Variants in YTHDC2 observed in about 807,000 individuals in gnomAD.
YTHDC2 encodes 3'-5' RNA helicase YTHDC2.
In YTHDC2, 45 loss-of-function variants were observed where a neutral mutation model predicts 174.9. The observed-to-expected ratio is 0.26, with a 90% CI of 0.20 to 0.33. The LOEUF (loss-of-function observed/expected upper bound fraction) is 0.33. Among genes scored for constraint, YTHDC2 ranks in the 10% least tolerant of loss-of-function variants. The probability of loss-of-function intolerance (pLI) is 1.00; values close to 1 mark genes in which losing one functional copy is unlikely to be tolerated. For missense variants in YTHDC2, 1,650 were observed against 1,723.7 expected (o/e 0.96, Z 0.76); for synonymous variants, 657 against 574.5 (o/e 1.14, Z -2.05).
chr5:113,533,636 C>A (rs1561637730), intron 5 of YTHDC2, among the ~76,000 whole-genome samples: 1 of 151,804 alleles, frequency 6.6e-6, no homozygotes, highest in South Asian at 2.1e-4. Flanking sequence ...TAAAATGAGT[C>A]AAAGAAAAGC....
rs564290821 is a variant in YTHDC2, at chr5:113,581,634, C to T, written c.3572C>T (p.Ser1191Leu). 2 of 1,613,186 alleles carry T rather than the reference C, an allele frequency of 1.2e-6. No homozygotes were observed. Among genetic ancestry groups the T allele is most frequent in the East Asian group, 2.2e-5 (1 of 44,822 alleles). Residue 1191 changes from serine (S) to leucine (L), a missense_variant, in exon 25 of 30, where the codon TCA becomes TTA. By Grantham distance (145) the Ser-to-Leu change is moderately radical. Around this residue, in one of 5 missense-constraint regions of YTHDC2, gnomAD observed 913 missense variants for 940.4 expected, o/e 0.97. Coordinates refer to ENST00000161863, the MANE Select transcript of YTHDC2 (RefSeq NM_022828.5). ...TCTTCAGAAGAGCTTCCTTTGGCCT[C>T]ATCTTGGAGGTCAAATAATAGTAGG... ...PMSSEELPLA[S>L]SWRSNNSRKS...
At position 113,579,569 on chromosome 5, in the gene YTHDC2, A is replaced by G. The variant is rs578046435; in HGVS notation, c.3245-17A>G. 1.6e-5 allele frequency: 24 copies of G among 1,542,600 alleles called. No individual in the cohort carries two copies. In the East Asian group the frequency reaches 1.7e-4, roughly 11 times the overall value. On this transcript the variant is annotated splice_polypyrimidine_tract_variant and intron_variant, in intron 23 of 29. Transcript: ENST00000161863. ...AGAAGGTAAAAGTGATTTTTTTTTC[A>G]TTATGTACTTGGACAGTGGATGGCA...
At chr5:113,514,594 T>G (rs967781637) in intron 1 of YTHDC2, among the ~76,000 whole-genome samples, 1 of 152,206 alleles carries the variant, frequency 6.6e-6, no homozygotes, top group Non-Finnish European at 1.5e-5. Context: ...CCACTTGTCT[T>G]GGGTCATATA....
At chr5:113,543,736 G>A (rs1775644322) in intron 10 of YTHDC2, among the ~76,000 whole-genome samples, 1 of 152,108 alleles carries the variant, frequency 6.6e-6, no homozygotes, top group African/African-American at 2.4e-5. Flanking sequence ...TTTGCCACTT[G>A]CCTCCTTGTT....
At chr5:113,568,672 A>C (rs1463949004) in intron 23 of YTHDC2, among the ~76,000 whole-genome samples, 2 of 152,074 alleles carry the variant, frequency 1.3e-5, no homozygotes, top group Admixed American at 6.6e-5. Context: ...ATGGCTTCCA[A>C]CTTCAGCCAT....
intron 2 of YTHDC2, among the ~76,000 whole-genome samples, chr5:113,519,873 A>G (rs887910435): frequency 6.6e-6 from 1 of 152,214 alleles, no homozygotes; most frequent in East Asian, 1.9e-4. Flanking sequence ...GTCAATACAC[A>G]TAATTTCTTT....
chr5:113,580,982 A>G (rs1163134148), intron 24 of YTHDC2, among the ~76,000 whole-genome samples: 1 of 151,956 alleles, frequency 6.6e-6, no homozygotes, highest in African/African-American at 2.4e-5. Context: ...CTTTATCTCT[A>G]TGTGTATATT....
chr5:113,581,057 C>G (rs79680811), intron 24 of YTHDC2, among the ~76,000 whole-genome samples: 1,809 of 152,174 alleles, frequency 0.012, 16 homozygotes, highest in Non-Finnish European at 0.017. Context: ...TTCTGTGAAT[C>G]CAGCTGCCTT....
At chr5:113,537,789 T>C (rs1050358988) in intron 7 of YTHDC2, among the ~76,000 whole-genome samples, 2 of 152,146 alleles carry the variant, frequency 1.3e-5, no homozygotes, top group African/African-American at 4.8e-5. Flanking sequence ...ATACTTCATC[T>C]CTTTTGCAAA....
chr5:113,561,655 G>A (rs569137457), intron 18 of YTHDC2, among the ~76,000 whole-genome samples: 4 of 151,930 alleles, frequency 2.6e-5, no homozygotes, highest in East Asian at 3.9e-4. Context: ...TTTCAGTAGA[G>A]ACAGGGTTTC....
chr5:113,564,533 A>G (rs969730103), intron 20 of YTHDC2, among the ~76,000 whole-genome samples: 3 of 152,192 alleles, frequency 2.0e-5, no homozygotes, highest in African/African-American at 7.2e-5. Flanking sequence ...GATTTTTCTT[A>G]GAGTTCAGCC....
At chr5:113,521,414 A>G (rs920511328) in intron 2 of YTHDC2, among the ~76,000 whole-genome samples, 4 of 152,180 alleles carry the variant, frequency 2.6e-5, no homozygotes, top group Non-Finnish European at 5.9e-5. Context: ...TCTCATCTTC[A>G]ATTTAGCTTA....
chr5:113,553,176 TTCAG>T lies in YTHDC2; in HGVS notation c.1689-3_1689del. ...CTTTGTCTTTTTTTTTTTTTTTTTT[TTCAG>T]TGCTACACTGGAATTTGGAAATCTA... On this transcript the variant is annotated splice_acceptor_variant and splice_polypyrimidine_tract_variant and intron_variant, in intron 12 of 29. Coordinates refer to ENST00000161863, the MANE Select transcript of YTHDC2 (RefSeq NM_022828.5). LOFTEE classifies it high-confidence loss of function. The T allele has an allele frequency of 7.2e-7, 1 of 1,381,492 alleles. No homozygotes were observed. The highest frequency in any genetic ancestry group is 9.4e-7 in the Non-Finnish European group (1 of 1,062,010). The allele number at this position is 1,381,492 out of a possible 1,614,324, so 85.6% of individuals were successfully genotyped here. A position where few individuals can be genotyped will look rare whatever the true frequency, so the allele number is the denominator to read the frequency against.
At chr5:113,550,397 T>A (rs1479212796) in intron 12 of YTHDC2, among the ~76,000 whole-genome samples, 1 of 152,154 alleles carries the variant, frequency 6.6e-6, no homozygotes, top group Admixed American at 6.6e-5. Flanking sequence ...AGACAGTTGT[T>A]ACTCTAGGAA....
At chr5:113,542,811 C>G (rs1775581123) in intron 10 of YTHDC2, among the ~76,000 whole-genome samples, 1 of 152,090 alleles carries the variant, frequency 6.6e-6, no homozygotes. Flanking sequence ...TCTTGTCTTT[C>G]CCTTCCTTGG....
Position 113,535,631 on chromosome 5 carries a change from G to C in YTHDC2, c.946-11G>C. 1.3e-6 allele frequency: 2 copies of C among 1,591,280 alleles called. No individual in the cohort carries two copies. Among genetic ancestry groups the C allele is most frequent in the African/African-American group, 2.7e-5 (2 of 73,584 alleles). Reference sequence around the variant, plus strand: ...TTAACTGTTCCATGGTTTTATTTCTGTTTACTATAGGATGAAGTGCATGAA... The same window carrying C: ...TTAACTGTTCCATGGTTTTATTTCTCTTTACTATAGGATGAAGTGCATGAA... On this transcript the variant is annotated splice_polypyrimidine_tract_variant and intron_variant, in intron 6 of 29. Transcript: ENST00000161863.
chr5:113,549,121 T>A, intron 12 of YTHDC2, 101 bp downstream of exon 12: 1 of 972,490 alleles, frequency 1.0e-6, no homozygotes, highest in Non-Finnish European at 1.5e-6. Context: ...TTATAGTCTT[T>A]TATCCAGAGA....
rs374739101 is a variant in YTHDC2, at chr5:113,579,540, C to T, written c.3245-46C>T. On this transcript the variant is annotated intron_variant, in intron 23 of 29. Transcript: ENST00000161863. ...TATTCTTCTTAGTTTTTTGCCATAA[C>T]GTAAGAAGGTAAAAGTGATTTTTTT... 270 of 1,418,386 alleles carry T rather than the reference C, an allele frequency of 1.9e-4. 1 individual carries two copies. In the African/African-American group the frequency reaches 3.2e-3, roughly 17 times the overall value. 87.9% of individuals were successfully genotyped at this position (1,418,386 alleles called of 1,614,324 possible).
rs1369384754 is a variant in YTHDC2, at chr5:113,563,944, A to T, written c.2528A>T (p.Lys843Ile). The T allele has an allele frequency of 4.3e-6, 7 of 1,614,164 alleles. No homozygotes were observed. Among genetic ancestry groups the T allele is most frequent in the Non-Finnish European group, 5.9e-6 (7 of 1,180,016 alleles). The change falls in exon 20 of 30, where the codon AAA becomes ATA. Residue 843 changes from lysine to isoleucine, a missense_variant. This residue lies in a region of YTHDC2 where 913 missense variants were observed against 940.4 expected (regional missense o/e 0.97). Transcript: ENST00000161863. ...ADLPVEPHLG[K>I]MVLCAVVLKC... is the part of the protein sequence containing the mutation. ...TTGCCAGTAGAACCACATCTTGGTAAAATGGTCTTGTGTGCTGTTGTTTTA... is the reference window on the plus strand; with the variant it reads ...TTGCCAGTAGAACCACATCTTGGTATAATGGTCTTGTGTGCTGTTGTTTTA...
Sources: gnomAD v4.1 joint callset for allele counts (sites outside exome capture counted in the v4.1 genomes callset) on GRCh38, gnomAD v4.1.1 for gene constraint, gnomAD v4.1.1 regional missense constraint, MANE v1.5 for transcripts, NCBI Gene and HGNC (gene_info 2026-07-23, HGNC 2026-07-21) for gene names.